The following TRMT11 variants were observed in gnomAD, a reference collection of about 807,000 sequenced individuals.
The protein encoded by TRMT11 is tRNA (guanine(10)-N(2))-methyltransferase TRMT11.
In TRMT11, 53 loss-of-function variants were observed where a neutral mutation model predicts 62.8. The observed-to-expected ratio is 0.84, with a 90% confidence interval of 0.68 to 1.06. The LOEUF (loss-of-function observed/expected upper bound fraction) is 1.06, where lower values mean the gene tolerates loss of function less well. Ranked by LOEUF, TRMT11 falls within the 50% of genes least tolerant of loss-of-function variation. The probability of loss-of-function intolerance (pLI) is 0.00; values close to 1 mark genes in which losing one functional copy is unlikely to be tolerated. For synonymous variants in TRMT11, 188 were observed against 190.3 expected, an observed-to-expected ratio of 0.99 and a Z score of 0.10; for missense variants, 556 against 553.4, an observed-to-expected ratio of 1.00 and a Z score of -0.05.
chr6:126,178,199 AC>A (rs2128239616), intron 1 of TRMT11, among the ~76,000 whole-genome samples: 1 of 152,312 alleles, frequency 6.6e-6, no homozygotes, highest in South Asian at 2.1e-4. Flanking sequence ...ACTGGATGCA[AC>A]ACTCAGATCA....
chr6:126,237,310 C>T, the TRMT11 span, among the ~76,000 whole-genome samples: 1 of 152,150 alleles, frequency 6.6e-6, no homozygotes, highest in African/African-American at 2.4e-5. Context: ...CTTAAAAATT[C>T]TTTCCGTCTA....
Position 126,142,427 on chromosome 6 carries a change from T to C in TRMT11, c.*1823+26572T>C, listed in dbSNP as rs148591967. On this transcript the variant is annotated intron_variant and NMD_transcript_variant, in intron 21 of 22. Coordinates refer to the TRMT11 transcript ENST00000648977. ...TTCTGAACATCACTATCACATATTT[T>C]ATTTTTAAATAAATGAGTGGAGTTG... Among the ~76,000 whole-genome samples, 473 of 152,246 alleles carry C rather than the reference T, an allele frequency of 3.1e-3. 5 individuals carry two copies. The highest frequency in any genetic ancestry group is 6.8e-3 in the Middle Eastern group (2 of 294).
intron 17 of TRMT11, among the ~76,000 whole-genome samples, chr6:126,094,108 C>A (rs751974665): frequency 1.6e-4 from 25 of 152,076 alleles, no homozygotes; most frequent in Non-Finnish European, 3.4e-4. Context: ...CACACACACA[C>A]ACACACACCC....
the TRMT11 span, among the ~76,000 whole-genome samples, chr6:126,254,553 T>G: frequency 4.6e-5 from 7 of 152,240 alleles, no homozygotes; most frequent in African/African-American, 1.4e-4. Context: ...CTGCAGATCA[T>G]AGAATGTGTA....
chr6:126,024,102 A>G lies in TRMT11; in HGVS notation c.1260+2822A>G, dbSNP rs1796206680. On this transcript the variant is annotated intron_variant, in intron 12 of 12. Transcript: ENST00000334379. ...AATTCTTTATAGGTCTTGATTCTGT[A>G]TGAATATATACAACTGAATATTGTT... Among the ~76,000 whole-genome samples, 3 of 152,386 alleles carry G rather than the reference A, an allele frequency of 2.0e-5. No homozygotes were observed. The South Asian group carries it at 6.2e-4, about 32-fold the overall frequency.
Position 126,038,824 on chromosome 6 carries a change from C to T in TRMT11, c.1380C>T (p.Ser460=). ...AAAGAATTGCCAAGGAAGAAAAATCCACCCAGGAATGAAAATTAAGATTTT... is the reference window on the plus strand; with the variant it reads ...AAAGAATTGCCAAGGAAGAAAAATCTACCCAGGAATGAAAATTAAGATTTT... ...VTKRIAKEEK[S]TQE The change falls in exon 13 of 13, where the codon TCC becomes TCT. Residue 460 remains serine (S), a synonymous_variant. Transcript: ENST00000334379. 6.3e-7 allele frequency: 1 copy of T among 1,589,876 alleles called. No homozygotes were observed. Among genetic ancestry groups the T allele is most frequent in the Non-Finnish European group, 8.5e-7 (1 of 1,171,796 alleles).
downstream of TRMT11, among the ~76,000 whole-genome samples, chr6:126,205,920 C>T (rs938886002): frequency 2.8e-4 from 42 of 151,654 alleles, no homozygotes; most frequent in Non-Finnish European, 5.7e-4. Flanking sequence ...CACACACACA[C>T]ACACACACAC....
At chr6:126,224,250 C>G in the TRMT11 span, among the ~76,000 whole-genome samples, 9 of 152,234 alleles carry the variant, frequency 5.9e-5, no homozygotes, top group African/African-American at 2.2e-4. Context: ...TTCTGGCATT[C>G]ATTTTTCATC....
At chr6:126,149,186 T>C (rs1778008980) in intron 21 of TRMT11, among the ~76,000 whole-genome samples, 1 of 152,250 alleles carries the variant, frequency 6.6e-6, no homozygotes, top group African/African-American at 2.4e-5. Flanking sequence ...GGATGGTTTG[T>C]AATGAAGCAG....
intron 21 of TRMT11, among the ~76,000 whole-genome samples, chr6:126,156,405 T>A (rs78073085): frequency 0.021 from 3,164 of 152,268 alleles, 107 homozygotes; most frequent in African/African-American, 0.072. Flanking sequence ...CTGCCTCAGC[T>A]CCCAGGCTTT....
At chr6:126,258,256 G>T in the TRMT11 span, 1 of 567,220 alleles carries the variant, frequency 1.8e-6, no homozygotes, top group Non-Finnish European at 3.4e-6. Context: ...CTCCTCCTGC[G>T]GCCCTGGGGG....
chr6:126,266,080 T>A, the TRMT11 span, among the ~76,000 whole-genome samples: 3 of 152,146 alleles, frequency 2.0e-5, no homozygotes, highest in Non-Finnish European at 4.4e-5. Context: ...TTGAAAATGA[T>A]TGTAAATTAT....
At chr6:126,024,970 CAT>C (rs1343981194) in intron 12 of TRMT11, among the ~76,000 whole-genome samples, 1 of 152,070 alleles carries the variant, frequency 6.6e-6, no homozygotes, top group Non-Finnish European at 1.5e-5. Context: ...AAAAAACAAA[CAT>C]TACCTGTAGA....
chr6:126,195,887 A>G lies in TRMT11; in HGVS notation n.144-2912A>G, dbSNP rs531085642. Among the ~76,000 whole-genome samples, 364 of 152,186 alleles carry G rather than the reference A, an allele frequency of 2.4e-3. 1 individual carries two copies. Among genetic ancestry groups the G allele is most frequent in the Non-Finnish European group, 4.1e-3 (280 of 67,998 alleles). Reference sequence around the variant, plus strand: ...ATGGCCTCTTTCTTTCTTTCTTTGGATATTTTCATGTCTCTGTGTGGTTTG... The same window carrying G: ...ATGGCCTCTTTCTTTCTTTCTTTGGGTATTTTCATGTCTCTGTGTGGTTTG... On this transcript the variant is annotated intron_variant and non_coding_transcript_variant, in intron 1 of 3. Coordinates refer to the TRMT11 transcript ENST00000444229.
chr6:126,080,376 AC>A (rs1467153134), intron 17 of TRMT11, among the ~76,000 whole-genome samples: 1 of 151,986 alleles, frequency 6.6e-6, no homozygotes, highest in Non-Finnish European at 1.5e-5. Context: ...GGCATAAACC[AC>A]CACTCACAGC....
the TRMT11 span, among the ~76,000 whole-genome samples, chr6:126,240,524 A>G: frequency 6.6e-6 from 1 of 152,172 alleles, no homozygotes; most frequent in Non-Finnish European, 1.5e-5. Flanking sequence ...CAGAACAGCA[A>G]ATATTGGTGA....
At chr6:126,059,870 A>G (rs962818434) in intron 17 of TRMT11, among the ~76,000 whole-genome samples, 17 of 152,224 alleles carry the variant, frequency 1.1e-4, no homozygotes, top group African/African-American at 3.9e-4. Context: ...GTCTGGTTGA[A>G]TGAAATTAAA....
chr6:126,069,410 A>ATAAT (rs1776782932), intron 17 of TRMT11, among the ~76,000 whole-genome samples: 1 of 152,112 alleles, frequency 6.6e-6, no homozygotes, highest in African/African-American at 2.4e-5. Context: ...ATATCCCCAA[A>ATAAT]GCAATAATCA....
intron 21 of TRMT11, among the ~76,000 whole-genome samples, chr6:126,118,064 G>A (rs1212910634): frequency 6.6e-6 from 1 of 152,142 alleles, no homozygotes; most frequent in Non-Finnish European, 1.5e-5. Context: ...TTCTGCTGCT[G>A]TCAGTAGATT....
Sources: allele counts gnomAD v4.1 joint callset (sites outside exome capture counted in the v4.1 genomes callset), GRCh38; gene constraint gnomAD v4.1.1; transcripts MANE v1.5; gene names NCBI Gene and HGNC (gene_info 2026-07-23, HGNC 2026-07-21).